Variants in ADAM12 observed in about 807,000 individuals in gnomAD.
ADAM12 encodes the protein disintegrin and metalloproteinase domain-containing protein 12.
A neutral mutation model predicts 106.4 loss-of-function variants in ADAM12; 70 were observed. That is an observed-to-expected ratio of 0.66 (90% confidence interval 0.54 to 0.80). ADAM12 has a LOEUF of 0.80. ADAM12 is among the 30% of genes least tolerant of loss of function. The pLI, the probability that ADAM12 is intolerant of heterozygous loss-of-function variation, is 0.00. For synonymous variants in ADAM12, 420 were observed against 433.5 expected, an observed-to-expected ratio of 0.97 and a Z score of 0.39; for missense variants, 1,010 against 1,171.9, an observed-to-expected ratio of 0.86 and a Z score of 2.02.
chr10:126,111,269 C>T (rs566417226), intron 6 of ADAM12, among the ~76,000 whole-genome samples: 9 of 152,242 alleles, frequency 5.9e-5, no homozygotes, highest in East Asian at 5.8e-4. Flanking sequence ...GAAACTGTTA[C>T]GCTTTGTAAC....
chr10:126,126,990 A>G (rs539270679), intron 5 of ADAM12, among the ~76,000 whole-genome samples: 1 of 152,256 alleles, frequency 6.6e-6, no homozygotes, highest in South Asian at 2.1e-4. Context: ...TTGACCTTGG[A>G]TCTCCTTCAG....
chr10:126,021,124 C>T lies in ADAM12; in HGVS notation c.2530-1299G>A, dbSNP rs73372594. 7.9e-3 allele frequency among the ~76,000 whole-genome samples: 1,205 copies of T among 152,046 alleles called. 14 individuals carry two copies. Among genetic ancestry groups the T allele is most frequent in the African/African-American group, 0.023 (962 of 41,442 alleles). On this transcript the variant is annotated intron_variant, in intron 21 of 22. Coordinates refer to ENST00000448723, the MANE Select transcript of ADAM12 (RefSeq NM_001288973.2). ...TCAGTAAGTGTTGGACACATCTCTG[C>T]TCTTGGCCCCAGGTGAATGTGGGTG...
At chr10:126,235,655 CCTT>C (rs1958400557) in intron 3 of ADAM12, among the ~76,000 whole-genome samples, 1 of 152,222 alleles carries the variant, frequency 6.6e-6, no homozygotes, top group South Asian at 2.1e-4. Flanking sequence ...ATGCGTGTCT[CCTT>C]CTCCAGCCTC....
At chr10:126,233,799 C>G (rs73382688) in intron 3 of ADAM12, among the ~76,000 whole-genome samples, 195 of 152,290 alleles carry the variant, frequency 1.3e-3, no homozygotes, top group African/African-American at 4.6e-3. Flanking sequence ...GCTTCTCTTA[C>G]TGTAGAAGCA....
chr10:126,020,576 C>T (rs1467921209), intron 21 of ADAM12, among the ~76,000 whole-genome samples: 1 of 152,118 alleles, frequency 6.6e-6, no homozygotes, highest in Non-Finnish European at 1.5e-5. Flanking sequence ...GGGAAAAAGA[C>T]CTATCTCAGC....
At chr10:126,108,725 C>T in intron 7 of ADAM12, 61 bp from the exon 8 acceptor site, 1 of 1,464,680 alleles carries the variant, frequency 6.8e-7, no homozygotes, top group South Asian at 1.1e-5. Flanking sequence ...TTTCATCTTC[C>T]TGGCTTCTGG....
chr10:126,086,408 G>A (rs1160008840), intron 11 of ADAM12, among the ~76,000 whole-genome samples: 1 of 151,434 alleles, frequency 6.6e-6, no homozygotes, highest in Non-Finnish European at 1.5e-5. Context: ...AGGTGCGGTG[G>A]CTCACACCTG....
chr10:126,203,927 T>G (rs929658974), intron 3 of ADAM12, among the ~76,000 whole-genome samples: 1 of 131,296 alleles, frequency 7.6e-6, no homozygotes, highest in African/African-American at 2.5e-5. Context: ...TCAGAGTGAG[T>G]GCGCGCGCGC....
intron 3 of ADAM12, among the ~76,000 whole-genome samples, chr10:126,231,378 A>G (rs1958306644): frequency 6.9e-6 from 1 of 145,534 alleles, no homozygotes; most frequent in Admixed American, 7.0e-5. Flanking sequence ...CAACAGAAAT[A>G]GAAGATTAGT....
intron 3 of ADAM12, among the ~76,000 whole-genome samples, chr10:126,170,650 G>T (rs1957103892): frequency 6.6e-6 from 1 of 152,118 alleles, no homozygotes; most frequent in Non-Finnish European, 1.5e-5. Context: ...CCGTGTCTGG[G>T]ACAAGGAAGG....
At chr10:126,276,992 A>G (rs1959282777) in intron 3 of ADAM12, among the ~76,000 whole-genome samples, 1 of 152,232 alleles carries the variant, frequency 6.6e-6, no homozygotes, top group Non-Finnish European at 1.5e-5. Context: ...GGGCTCTAAG[A>G]AATTATTTAT....
chr10:126,086,680 A>AAAAATATATATATATATAT (rs1554966976), intron 11 of ADAM12, among the ~76,000 whole-genome samples: 1 of 24,274 alleles, frequency 4.1e-5, no homozygotes, highest in Non-Finnish European at 5.9e-5. Context: ...AAAAAAAAAA[A>AAAAATATATATATATATAT]ATATATATAT....
chr10:126,386,177 G>A (rs1856653331), intron 1 of ADAM12, among the ~76,000 whole-genome samples: 1 of 152,100 alleles, frequency 6.6e-6, no homozygotes, highest in Non-Finnish European at 1.5e-5. Flanking sequence ...GGAAGGCTGG[G>A]GAGGGAATGA....
intron 3 of ADAM12, among the ~76,000 whole-genome samples, chr10:126,216,795 G>C (rs1298025335): frequency 6.6e-6 from 1 of 152,268 alleles, no homozygotes; most frequent in Non-Finnish European, 1.5e-5. Flanking sequence ...GACCCCGGCA[G>C]AAGGCCAGAG....
At chr10:126,262,903 C>A (rs566885042) in intron 3 of ADAM12, among the ~76,000 whole-genome samples, 1 of 152,280 alleles carries the variant, frequency 6.6e-6, no homozygotes, top group African/African-American at 2.4e-5. Flanking sequence ...CGAGGGATGT[C>A]CCTAGAGCAC....
At chr10:126,248,689 T>TATG (rs1565166058) in intron 3 of ADAM12, among the ~76,000 whole-genome samples, 1,103 of 38,306 alleles carry the variant, frequency 0.029, 12 homozygotes, top group East Asian at 0.19. Context: ...ATGTATGTAT[T>TATG]TATTTATTTA....
chr10:126,086,680 A>AAAAAAAAT (rs1554966976), intron 11 of ADAM12, among the ~76,000 whole-genome samples: 2 of 24,274 alleles, frequency 8.2e-5, no homozygotes, highest in Non-Finnish European at 1.2e-4. Context: ...AAAAAAAAAA[A>AAAAAAAAT]ATATATATAT....
At chr10:126,090,312 CA>C (rs58704417) in intron 11 of ADAM12, among the ~76,000 whole-genome samples, 64,421 of 123,218 alleles carry the variant, frequency 0.52, 17,072 homozygotes, top group Non-Finnish European at 0.66. Flanking sequence ...AAACTTTCTG[CA>C]AAAAAAAAAA....
chr10:126,342,914 G>A (rs1854985004), intron 1 of ADAM12, among the ~76,000 whole-genome samples: 1 of 152,068 alleles, frequency 6.6e-6, no homozygotes. Context: ...CTGGAGGGAG[G>A]GTGGAGGGGT....
Sources: allele counts gnomAD v4.1 joint callset (sites outside exome capture counted in the v4.1 genomes callset), GRCh38; gene constraint gnomAD v4.1.1; transcripts MANE v1.5; gene names NCBI Gene and HGNC (gene_info 2026-07-23, HGNC 2026-07-21).